RAB11FIP2: variants seen among roughly 807,000 people sequenced by gnomAD.
RAB11FIP2 encodes rab11 family-interacting protein 2.
Under a neutral mutation model 40.9 loss-of-function variants are expected in RAB11FIP2, and 16 were observed. The ratio of observed to expected loss-of-function variants is 0.39; its 90% CI spans 0.26 to 0.59. The LOEUF (loss-of-function observed/expected upper bound fraction) is 0.59. Among genes scored for constraint, RAB11FIP2 ranks in the 20% least tolerant of loss-of-function variants. The pLI is 0.53. For missense variants in RAB11FIP2, 532 were observed against 606.2 expected, an observed-to-expected ratio of 0.88 and a Z score of 1.28; for synonymous variants, 228 against 213.7, an observed-to-expected ratio of 1.07 and a Z score of -0.58.
intron 3 of RAB11FIP2, among the ~76,000 whole-genome samples, chr10:118,033,135 G>A (rs887908400): frequency 2.0e-5 from 3 of 152,040 alleles, no homozygotes; most frequent in African/African-American, 2.4e-5. Context: ...GAATCCACTG[G>A]GGGTCTTGGA....
At chr10:118,024,903 A>G (rs532595437) in intron 3 of RAB11FIP2, among the ~76,000 whole-genome samples, 1 of 152,300 alleles carries the variant, frequency 6.6e-6, no homozygotes, top group Admixed American at 6.5e-5. Flanking sequence ...CTGGCCAGCA[A>G]GCACCCACTT....
At chr10:118,032,935 C>G (rs1352419581) in intron 3 of RAB11FIP2, among the ~76,000 whole-genome samples, 3 of 152,006 alleles carry the variant, frequency 2.0e-5, no homozygotes, top group African/African-American at 7.2e-5. Context: ...TTGAGTAGCC[C>G]TTATTTTACT....
At chr10:118,026,409 A>G (rs553637695) in intron 3 of RAB11FIP2, among the ~76,000 whole-genome samples, 1 of 152,328 alleles carries the variant, frequency 6.6e-6, no homozygotes, top group Non-Finnish European at 1.5e-5. Context: ...AGAGACTACT[A>G]GAGTAGAATT....
chr10:118,009,860 T>C (rs985596873), intron 4 of RAB11FIP2, among the ~76,000 whole-genome samples: 14 of 152,142 alleles, frequency 9.2e-5, no homozygotes, highest in African/African-American at 2.9e-4. Flanking sequence ...CCTATAATAA[T>C]ATCTAATTTA....
intron 4 of RAB11FIP2, among the ~76,000 whole-genome samples, chr10:118,013,549 A>G (rs1846181172): frequency 6.6e-6 from 1 of 152,106 alleles, no homozygotes; most frequent in Non-Finnish European, 1.5e-5. Flanking sequence ...TACTTCAAAC[A>G]TCTTATAATC....
chr10:118,013,998 C>T (rs1010209452), intron 4 of RAB11FIP2, among the ~76,000 whole-genome samples: 22 of 152,006 alleles, frequency 1.4e-4, no homozygotes, highest in African/African-American at 1.4e-4. Flanking sequence ...TCACATTTCT[C>T]GCCAGACTGC....
At chr10:118,015,140 G>A in intron 3 of RAB11FIP2, 30 bp from the exon 4 acceptor site, 1 of 1,567,320 alleles carries the variant, frequency 6.4e-7, no homozygotes. Flanking sequence ...TGTTAAAAGT[G>A]TCATAACTCA....
chr10:118,038,538 T>C lies in RAB11FIP2; in HGVS notation c.1265+434A>G, dbSNP rs866299609. Among the ~76,000 whole-genome samples the C allele has an allele frequency of 1.1e-4, 17 of 152,210 alleles. No individual in the cohort carries two copies. In the Middle Eastern group the frequency reaches 0.01, roughly 91 times the overall value. ...TAATTAACATCTATTAGGAAAGCCA[T>C]TAATACTGAAGCTGGCGTTTTTTAA... On this transcript the variant is annotated intron_variant, in intron 3 of 4. Coordinates refer to ENST00000355624, the MANE Select transcript of RAB11FIP2 (RefSeq NM_014904.3).
intron 3 of RAB11FIP2, among the ~76,000 whole-genome samples, chr10:118,020,042 T>A (rs1439915201): frequency 6.6e-6 from 1 of 152,188 alleles, no homozygotes; most frequent in African/African-American, 2.4e-5. Flanking sequence ...GCACTTTACA[T>A]GTTAACTCAC....
chr10:118,011,176 G>A (rs918119634), intron 4 of RAB11FIP2, among the ~76,000 whole-genome samples: 4 of 152,062 alleles, frequency 2.6e-5, no homozygotes, highest in African/African-American at 9.7e-5. Flanking sequence ...AAAGGGAAGT[G>A]AGTTTAAATT....
intron 1 of RAB11FIP2, 46 bp downstream of exon 1, chr10:118,045,765 A>G: frequency 3.5e-6 from 5 of 1,434,894 alleles, no homozygotes; most frequent in South Asian, 1.4e-5. Context: ...AAAACCATAA[A>G]TAAGATATAA....
intron 1 of RAB11FIP2, among the ~76,000 whole-genome samples, chr10:118,041,113 C>T (rs547817100): frequency 1.5e-3 from 234 of 152,110 alleles, no homozygotes; most frequent in Admixed American, 2.3e-3. Context: ...TTGCATATAG[C>T]TTGCTAATCA....
chr10:118,026,606 C>G (rs1846347015), intron 3 of RAB11FIP2, among the ~76,000 whole-genome samples: 1 of 152,202 alleles, frequency 6.6e-6, no homozygotes, highest in Non-Finnish European at 1.5e-5. Context: ...ATCTTTCTTA[C>G]TATCACAGTC....
At chr10:118,011,838 G>A (rs1846159807) in intron 4 of RAB11FIP2, among the ~76,000 whole-genome samples, 2 of 152,116 alleles carry the variant, frequency 1.3e-5, no homozygotes, top group African/African-American at 4.8e-5. Flanking sequence ...GAAGCTAAAT[G>A]GGATTCATTA....
Position 118,046,298 on chromosome 10 carries a change from T to C in RAB11FIP2, c.-135A>G, listed in dbSNP as rs1036118909. ...CAGGCTCAGGGCTCCCCGACTTCCCTATGGCTGATGTCAAAACGCCTCGCG... is the reference window on the plus strand; with the variant it reads ...CAGGCTCAGGGCTCCCCGACTTCCCCATGGCTGATGTCAAAACGCCTCGCG... On this transcript the variant is annotated 5_prime_UTR_variant, in exon 1 of 5. It adds an upstream start codon to the 5' untranslated region. Transcript: ENST00000355624. The C allele has an allele frequency of 2.6e-6, 2 of 780,454 alleles. No individual in the cohort carries two copies. Among genetic ancestry groups the C allele is most frequent in the Non-Finnish European group, 4.1e-6 (2 of 484,108 alleles). 48.3% of individuals were successfully genotyped at this position (780,454 alleles called of 1,614,324 possible).
chr10:118,033,111 G>T (rs1275684963), intron 3 of RAB11FIP2, among the ~76,000 whole-genome samples: 3 of 152,092 alleles, frequency 2.0e-5, no homozygotes, highest in Non-Finnish European at 4.4e-5. Context: ...GTTCGGAACT[G>T]TGCCTGGTTT....
In RAB11FIP2 at chr10:118,045,924, G is replaced by GT. The variant is rs1305840026; in HGVS notation, c.239dup (p.Tyr80Ter). Residue 80 changes from tyrosine (Y) to a stop codon, truncating the protein, a stop_gained and frameshift_variant, in exon 1 of 5, where the codon TAC (tyrosine) becomes TAAC (stop). Coordinates refer to ENST00000355624, the MANE Select transcript of RAB11FIP2 (RefSeq NM_014904.3). LOFTEE classifies it high-confidence loss of function. ...GLLIQGSPEK[Y>*]ILFLIVMHRS... is the part of the protein sequence containing the mutation. Reference sequence around the variant, plus strand: ...TGTGCATAACTATAAGGAAAAGAATGTATTTCTCTGGACTTCCCTGAATTA... The same window carrying GT: ...TGTGCATAACTATAAGGAAAAGAATGTTATTTCTCTGGACTTCCCTGAATTA... The GT allele has an allele frequency of 6.2e-7, 1 of 1,614,112 alleles. No homozygotes were observed. The highest frequency in any genetic ancestry group is 8.5e-7 in the Non-Finnish European group (1 of 1,180,050).
intron 3 of RAB11FIP2, among the ~76,000 whole-genome samples, chr10:118,026,003 C>T (rs957651991): frequency 6.6e-6 from 1 of 152,184 alleles, no homozygotes; most frequent in African/African-American, 2.4e-5. Flanking sequence ...AGAGACTTTG[C>T]TTTGTGCATC....
intron 3 of RAB11FIP2, among the ~76,000 whole-genome samples, chr10:118,019,618 T>C (rs1325611592): frequency 1.3e-5 from 2 of 151,382 alleles, no homozygotes; most frequent in Non-Finnish European, 2.9e-5. Context: ...GGTCAGGAGA[T>C]CGAGACCATC....
Sources: gnomAD v4.1 joint callset for allele counts (sites outside exome capture counted in the v4.1 genomes callset) on GRCh38, gnomAD v4.1.1 for gene constraint, MANE v1.5 for transcripts, NCBI Gene and HGNC (gene_info 2026-07-23, HGNC 2026-07-21) for gene names.